The following GALM variants were observed in gnomAD, a reference collection of about 807,000 sequenced individuals.
GALM encodes aldose 1-epimerase.
Under a neutral mutation model 37.4 loss-of-function variants are expected in GALM, and 43 were observed. The observed-to-expected ratio is 1.15, with a 90% CI of 0.90 to 1.48. The LOEUF is 1.48. Among genes scored for constraint, GALM ranks in the 40% most tolerant of loss-of-function variants. The pLI, the probability that GALM is intolerant of heterozygous loss-of-function variation, is 0.00. For missense variants in GALM, 456 were observed against 419.1 expected (o/e 1.09, Z -0.77); for synonymous variants, 199 against 170.6 (o/e 1.17, Z -1.30).
At chr2:38,694,623 G>A (rs34917096) in intron 4 of GALM, among the ~76,000 whole-genome samples, 4,034 of 152,130 alleles carry the variant, frequency 0.027, 185 homozygotes, top group African/African-American at 0.093. Flanking sequence ...CAGGCTGGGC[G>A]CAGTGGCTCA....
intron 4 of GALM, among the ~76,000 whole-genome samples, chr2:38,717,625 C>T (rs982176716): frequency 1.3e-5 from 2 of 151,916 alleles, no homozygotes; most frequent in African/African-American, 4.8e-5. Context: ...GTCTCGAACT[C>T]CCGGCCTCAA....
chr2:38,685,652 G>C (rs559865716), intron 3 of GALM, among the ~76,000 whole-genome samples: 11 of 152,184 alleles, frequency 7.2e-5, no homozygotes, highest in Non-Finnish European at 1.2e-4. Flanking sequence ...TTCCACCAGA[G>C]TAGATCATTG....
intron 4 of GALM, among the ~76,000 whole-genome samples, chr2:38,728,383 A>C (rs373566678): frequency 7.5e-6 from 1 of 133,810 alleles, no homozygotes; most frequent in African/African-American, 2.8e-5. Flanking sequence ...GACGAGCAAA[A>C]CTCTGTCTCA....
At chr2:38,684,247 G>T (rs1173377532) in intron 3 of GALM, among the ~76,000 whole-genome samples, 1 of 152,198 alleles carries the variant, frequency 6.6e-6, no homozygotes, top group African/African-American at 2.4e-5. Context: ...GAGACCTGGG[G>T]AGGAGGGGAG....
intron 1 of GALM, among the ~76,000 whole-genome samples, chr2:38,672,925 G>A (rs1026334852): frequency 6.6e-5 from 10 of 152,164 alleles, no homozygotes; most frequent in Admixed American, 6.5e-4. Context: ...CAGGAGAACT[G>A]CTTGAATCCA....
chr2:38,721,144 G>C (rs1223183537), intron 4 of GALM, among the ~76,000 whole-genome samples: 1 of 152,210 alleles, frequency 6.6e-6, no homozygotes, highest in African/African-American at 2.4e-5. Flanking sequence ...ATGTGGGTGT[G>C]AATCTCTTAT....
At chr2:38,692,096 G>A (rs1053617176) in intron 4 of GALM, among the ~76,000 whole-genome samples, 2 of 152,092 alleles carry the variant, frequency 1.3e-5, no homozygotes, top group Non-Finnish European at 2.9e-5. Context: ...AAATCCTTTA[G>A]AGCTCTATCA....
chr2:38,706,293 A>G (rs1294166111), intron 4 of GALM, among the ~76,000 whole-genome samples: 2 of 149,256 alleles, frequency 1.3e-5, no homozygotes, highest in Non-Finnish European at 3.0e-5. Flanking sequence ...GTGAGCCACC[A>G]CACCCAGCTG....
intron 3 of GALM, among the ~76,000 whole-genome samples, chr2:38,686,653 A>C (rs13382974): frequency 6.6e-6 from 1 of 152,174 alleles, no homozygotes; most frequent in African/African-American, 2.4e-5. Flanking sequence ...TGGATAAACA[A>C]ATTGTGATAC....
chr2:38,707,052 CT>C lies in GALM; in HGVS notation c.634+17159del, dbSNP rs1402220654. ...TGATGACCCCGGGACTCTAGAGCAG[CT>C]GCTGGGCAGTAGAGATGGGGATGTT... On this transcript the variant is annotated intron_variant, in intron 4 of 6. Coordinates refer to ENST00000272252, the MANE Select transcript of GALM (RefSeq NM_138801.3). 2.8e-5 allele frequency among the ~76,000 whole-genome samples: 4 copies of C among 144,154 alleles called. No homozygotes were observed. The Admixed American group carries it at 2.9e-4, about 10-fold the overall frequency. The allele number at this position is 144,154 out of a possible 152,430, so 94.6% of individuals were successfully genotyped here.
chr2:38,711,806 CCATCATCAT>C (rs1558591970), intron 4 of GALM, among the ~76,000 whole-genome samples: 1 of 86,574 alleles, frequency 1.2e-5, no homozygotes, highest in Non-Finnish European at 3.0e-5. Context: ...ATCACCATCA[CCATCATCAT>C]CATCACTATC....
chr2:38,698,879 G>A (rs541895417), intron 4 of GALM, among the ~76,000 whole-genome samples: 1 of 152,252 alleles, frequency 6.6e-6, no homozygotes, highest in East Asian at 1.9e-4. Context: ...CTAAAGTGCT[G>A]GGATTACAGG....
chr2:38,675,847 G>A, intron 1 of GALM, 65 bp from the exon 2 acceptor site: 1 of 1,502,960 alleles, frequency 6.7e-7, no homozygotes, highest in East Asian at 2.3e-5. Context: ...GGGATTACAG[G>A]TGTGAGCCAC....
chr2:38,712,677 G>T (rs1449539630), intron 4 of GALM, among the ~76,000 whole-genome samples: 2 of 152,198 alleles, frequency 1.3e-5, no homozygotes, highest in African/African-American at 2.4e-5. Flanking sequence ...CAGTGCAAAT[G>T]AAAGCCTCTA....
intron 1 of GALM, among the ~76,000 whole-genome samples, chr2:38,673,716 A>G (rs1665170331): frequency 6.6e-6 from 1 of 151,210 alleles, no homozygotes; most frequent in South Asian, 2.1e-4. Context: ...AGGCTGAGGC[A>G]GGAGAATGGC....
intron 3 of GALM, 61 bp from the exon 4 acceptor site, chr2:38,689,752 A>G (rs1298031503): frequency 1.9e-5 from 19 of 1,021,666 alleles, no homozygotes; most frequent in Non-Finnish European, 2.1e-5. Context: ...AAGATAAGTT[A>G]AAAAACAAAT....
chr2:38,694,545 GT>G (rs983140232), intron 4 of GALM, among the ~76,000 whole-genome samples: 8 of 152,202 alleles, frequency 5.3e-5, no homozygotes, highest in African/African-American at 1.9e-4. Flanking sequence ...GGAGGGAGAG[GT>G]TTTCTTGAAA....
At chr2:38,687,083 G>A (rs1427653197) in intron 3 of GALM, among the ~76,000 whole-genome samples, 1 of 152,168 alleles carries the variant, frequency 6.6e-6, no homozygotes, top group African/African-American at 2.4e-5. Flanking sequence ...GTGTTGAGCT[G>A]AGTAGTGAAC....
chr2:38,686,276 C>CTTTCTTTCTTTCTTTCT (rs1294189123), intron 3 of GALM, among the ~76,000 whole-genome samples: 8 of 99,128 alleles, frequency 8.1e-5, no homozygotes, highest in Admixed American at 2.2e-4. Flanking sequence ...TTCTTTCTTT[C>CTTTCTTTCTTTCTTTCT]TTATTTTGAG....
Sources: allele counts gnomAD v4.1 joint callset (sites outside exome capture counted in the v4.1 genomes callset), GRCh38; gene constraint gnomAD v4.1.1; transcripts MANE v1.5; gene names NCBI Gene and HGNC (gene_info 2026-07-23, HGNC 2026-07-21).